The following FBLN7 variants were observed in gnomAD, a reference collection of about 807,000 sequenced individuals.
FBLN7 encodes fibulin-7.
A neutral mutation model predicts 44.0 loss-of-function variants in FBLN7; 31 were observed. The observed-to-expected ratio is 0.70, with a 90% CI of 0.53 to 0.95. FBLN7 has a LOEUF of 0.95. FBLN7 is among the 40% of genes least tolerant of loss of function. FBLN7 has a pLI of 0.00. For synonymous variants in FBLN7, 262 were observed against 253.4 expected, an observed-to-expected ratio of 1.03 and a Z score of -0.32; for missense variants, 573 against 618.5, an observed-to-expected ratio of 0.93 and a Z score of 0.78.
chr2:112,221,632 C>A, the FBLN7 span, among the ~76,000 whole-genome samples: 1 of 151,972 alleles, frequency 6.6e-6, no homozygotes, highest in Non-Finnish European at 1.5e-5. Context: ...TCTGAGATTC[C>A]TTCTTCAGCT....
the FBLN7 span, among the ~76,000 whole-genome samples, chr2:112,207,853 G>A: frequency 6.6e-6 from 1 of 152,128 alleles, no homozygotes; most frequent in Non-Finnish European, 1.5e-5. Context: ...ATGTTTGCAT[G>A]TTGCATTTTT....
chr2:112,175,940 C>G, intron 4 of FBLN7, 101 bp downstream of exon 4: 2 of 1,425,470 alleles, frequency 1.4e-6, no homozygotes, highest in South Asian at 1.4e-5. Flanking sequence ...AGCTCAGTCC[C>G]CCACTCAAAG....
chr2:112,150,308 A>T (rs1681097275), intron 1 of FBLN7, among the ~76,000 whole-genome samples: 1 of 152,104 alleles, frequency 6.6e-6, no homozygotes, highest in Non-Finnish European at 1.5e-5. Flanking sequence ...AGAGCATCAG[A>T]TGACTCCCGG....
the FBLN7 span, among the ~76,000 whole-genome samples, chr2:112,239,852 T>C: frequency 3.3e-5 from 5 of 152,216 alleles, no homozygotes; most frequent in Non-Finnish European, 7.4e-5. Flanking sequence ...CCCAAAGTGC[T>C]AGGATTACAG....
intron 1 of FBLN7, among the ~76,000 whole-genome samples, chr2:112,141,088 C>G (rs1427803565): frequency 6.6e-6 from 1 of 152,232 alleles, no homozygotes; most frequent in Non-Finnish European, 1.5e-5. Flanking sequence ...GGACTGCCGA[C>G]CCCGCTACCT....
At chr2:112,205,054 A>C in the FBLN7 span, among the ~76,000 whole-genome samples, 1 of 152,122 alleles carries the variant, frequency 6.6e-6, no homozygotes, top group African/African-American at 2.4e-5. Context: ...AAGAGGGAAA[A>C]GGGAAAAAAG....
At chr2:112,186,411 G>C (rs1161063251) in intron 7 of FBLN7, among the ~76,000 whole-genome samples, 1 of 152,158 alleles carries the variant, frequency 6.6e-6, no homozygotes, top group African/African-American at 2.4e-5. Context: ...AGGCCGAGGA[G>C]GGCGGATCCC....
At chr2:112,226,531 G>A in the FBLN7 span, among the ~76,000 whole-genome samples, 35 of 135,608 alleles carry the variant, frequency 2.6e-4, no homozygotes, top group Non-Finnish European at 4.6e-4. Context: ...GGAGTTTGCA[G>A]TGAGCCAAGA....
the FBLN7 span, among the ~76,000 whole-genome samples, chr2:112,237,697 T>C: frequency 6.6e-6 from 1 of 151,934 alleles, no homozygotes; most frequent in Admixed American, 6.6e-5. Flanking sequence ...TGCCTCAGCC[T>C]CCAGGGTAGC....
the FBLN7 span, chr2:112,211,540 A>G: frequency 6.6e-6 from 1 of 152,194 alleles, no homozygotes. Flanking sequence ...TTCATAGTAA[A>G]CTTTTATTTA....
At chr2:112,183,582 C>A (rs1424809176) in intron 6 of FBLN7, among the ~76,000 whole-genome samples, 1 of 152,184 alleles carries the variant, frequency 6.6e-6, no homozygotes, top group Non-Finnish European at 1.5e-5. Flanking sequence ...GTCAGGACTC[C>A]TCAGGCTGGG....
At chr2:112,160,825 CACGCAT>C (rs1681818418) in intron 2 of FBLN7, among the ~76,000 whole-genome samples, 1 of 142,018 alleles carries the variant, frequency 7.0e-6, no homozygotes, top group Non-Finnish European at 1.5e-5. Context: ...CACACACAAG[CACGCAT>C]ACACGCACGC....
intron 1 of FBLN7, among the ~76,000 whole-genome samples, chr2:112,147,203 GA>G: frequency 6.6e-6 from 1 of 152,126 alleles, no homozygotes; most frequent in Non-Finnish European, 1.5e-5. Context: ...TTTTAACTAT[GA>G]ATTCAATTTC....
chr2:112,176,454 A>G (rs937195984), intron 4 of FBLN7: 3 of 152,380 alleles, frequency 2.0e-5, no homozygotes, highest in African/African-American at 7.2e-5. Flanking sequence ...TTCAGCCCCA[A>G]AGATATCCTA....
chr2:112,147,310 CTT>C (rs1300798934), intron 1 of FBLN7, among the ~76,000 whole-genome samples: 2 of 152,190 alleles, frequency 1.3e-5, no homozygotes, highest in African/African-American at 4.8e-5. Context: ...GCACCTCTCT[CTT>C]GAGGCACCTA....
chr2:112,174,857 A>G (rs1682655561), intron 3 of FBLN7, among the ~76,000 whole-genome samples: 1 of 152,138 alleles, frequency 6.6e-6, no homozygotes, highest in African/African-American at 2.4e-5. Context: ...TTACAGGCAC[A>G]TACCACCATG....
At chr2:112,239,579 C>CTT in the FBLN7 span, among the ~76,000 whole-genome samples, 5,828 of 86,266 alleles carry the variant, frequency 0.068, 592 homozygotes, top group African/African-American at 0.15. Flanking sequence ...TAACAGTTTA[C>CTT]TTTTTTTTTT....
intron 7 of FBLN7, among the ~76,000 whole-genome samples, chr2:112,186,454 G>A (rs998703010): frequency 6.6e-6 from 1 of 151,986 alleles, no homozygotes. Flanking sequence ...AGCCTGGCCA[G>A]CATGGTGAAA....
the FBLN7 span, among the ~76,000 whole-genome samples, chr2:112,230,244 G>A: frequency 1.3e-5 from 2 of 152,130 alleles, no homozygotes; most frequent in Non-Finnish European, 2.9e-5. Context: ...AGTGTAGAAT[G>A]ACAGTTCTTC....
Sources: gnomAD v4.1 joint callset for allele counts (sites outside exome capture counted in the v4.1 genomes callset) on GRCh38, gnomAD v4.1.1 for gene constraint, MANE v1.5 for transcripts, NCBI Gene and HGNC (gene_info 2026-07-23, HGNC 2026-07-21) for gene names.